CCDC171: variants seen among roughly 807,000 people sequenced by gnomAD.
CCDC171 encodes the protein coiled-coil domain-containing protein 171.
A neutral mutation model predicts 168.2 loss-of-function variants in CCDC171; 177 were observed. That is an observed-to-expected ratio of 1.05 (90% CI 0.93 to 1.19). CCDC171 has a LOEUF of 1.19. Ranked by LOEUF, CCDC171 falls within the 50% of genes most tolerant of loss-of-function variation. The pLI is 0.00. For synonymous variants in CCDC171, 687 were observed against 540.8 expected, an observed-to-expected ratio of 1.27 and a Z score of -3.75; for missense variants, 1,991 against 1,539.0, an observed-to-expected ratio of 1.29 and a Z score of -4.91.
At chr9:15,679,014 A>G (rs2049848274) in intron 10 of CCDC171, 118 bp downstream of exon 10, 1 of 705,206 alleles carries the variant, frequency 1.4e-6, no homozygotes. Context: ...TTTTAGTGAC[A>G]TTGATAACAA....
chr9:15,940,783 C>G lies in CCDC171; in HGVS notation c.3753+20361C>G, dbSNP rs542034493. ...GACCTTGCCTCTAGTCCCAGCTACT[C>G]AGGAAGATCAGGAGAATTACTTGAG... is the stretch of plus-strand genomic sequence containing the variant. On this transcript the variant is annotated intron_variant, in intron 25 of 25. Transcript: ENST00000380701. 3.9e-5 allele frequency among the ~76,000 whole-genome samples: 6 copies of G among 151,970 alleles called. No homozygotes were observed. In the East Asian group the frequency reaches 1.2e-3, roughly 30 times the overall value.
At chr9:15,562,198 C>G (rs1232153408) in intron 1 of CCDC171, among the ~76,000 whole-genome samples, 1 of 151,966 alleles carries the variant, frequency 6.6e-6, no homozygotes, top group Admixed American at 6.6e-5. Context: ...GTTTCACCAT[C>G]TTAGCCAGAC....
At chr9:16,051,495 G>A (rs1030288053) in intron 1 of CCDC171, among the ~76,000 whole-genome samples, 2 of 152,136 alleles carry the variant, frequency 1.3e-5, no homozygotes, top group Non-Finnish European at 2.9e-5. Context: ...GGTTCTACTT[G>A]CCAGCCCCTC....
Position 15,874,632 on chromosome 9 carries a change from T to C in CCDC171, c.3569T>C (p.Leu1190Pro). The change falls in exon 24 of 26, where the codon CTC (leucine) becomes CCC (proline). Residue 1190 changes from leucine (L) to proline (P), a missense_variant. Transcript: ENST00000380701. ...LHLETFAMEG[L>P]KGGPEVVACQ... is the part of the protein sequence containing the mutation. ...CTGGAGACCTTTGCAATGGAGGGGC[T>C]CAAGGGCGGGCCAGAGGTGGTAGCA... 1 of 1,601,968 alleles carries C rather than the reference T, an allele frequency of 6.2e-7. No individual in the cohort carries two copies. The highest frequency in any genetic ancestry group is 8.5e-7 in the Non-Finnish European group (1 of 1,174,070).
chr9:15,759,576 TCA>T (rs1319769123), intron 18 of CCDC171, among the ~76,000 whole-genome samples: 3 of 152,206 alleles, frequency 2.0e-5, no homozygotes, highest in Non-Finnish European at 2.9e-5. Context: ...GAAGAGTTCC[TCA>T]GTCTTTTCTT....
chr9:16,025,778 G>C (rs536137841), intron 6 of CCDC171, among the ~76,000 whole-genome samples: 11 of 152,288 alleles, frequency 7.2e-5, no homozygotes, highest in African/African-American at 9.6e-5. Flanking sequence ...AGTGGTTGCT[G>C]AGATCTTAGG....
At chr9:16,009,847 AAAAT>A (rs1470530803) in intron 3 of CCDC171, among the ~76,000 whole-genome samples, 1 of 152,226 alleles carries the variant, frequency 6.6e-6, no homozygotes, top group Non-Finnish European at 1.5e-5. Context: ...TTTGAGGAAA[AAAAT>A]AAATCTTGAA....
chr9:15,717,874 TCTG>T (rs1292488100), intron 11 of CCDC171, among the ~76,000 whole-genome samples: 1 of 152,178 alleles, frequency 6.6e-6, no homozygotes, highest in Admixed American at 6.5e-5. Flanking sequence ...GAATCTGAGA[TCTG>T]CTGGTTTGAA....
At chr9:15,888,621 G>A (rs1819757888) in intron 24 of CCDC171, among the ~76,000 whole-genome samples, 1 of 152,126 alleles carries the variant, frequency 6.6e-6, no homozygotes, top group Admixed American at 6.6e-5. Flanking sequence ...AAACAATTTA[G>A]TAGAATTGTT....
At chr9:15,656,092 G>A (rs2132921333) in intron 7 of CCDC171, among the ~76,000 whole-genome samples, 1 of 152,260 alleles carries the variant, frequency 6.6e-6, no homozygotes, top group East Asian at 1.9e-4. Flanking sequence ...GGCCGAGGCG[G>A]GCAGATCACG....
At chr9:15,837,891 A>G in intron 21 of CCDC171, among the ~76,000 whole-genome samples, 1 of 152,214 alleles carries the variant, frequency 6.6e-6, no homozygotes, top group African/African-American at 2.4e-5. Context: ...GCCAGTGGTA[A>G]CTTTGTTCTA....
chr9:15,681,661 G>T (rs373449854), intron 10 of CCDC171, among the ~76,000 whole-genome samples: 2 of 151,408 alleles, frequency 1.3e-5, no homozygotes, highest in Non-Finnish European at 2.9e-5. Context: ...GACTTTTCTC[G>T]GTAGATTAGT....
At chr9:15,802,279 C>T (rs2058862163) in intron 21 of CCDC171, among the ~76,000 whole-genome samples, 1 of 151,882 alleles carries the variant, frequency 6.6e-6, no homozygotes, top group South Asian at 2.1e-4. Flanking sequence ...TTTAGGGGTA[C>T]ATGTGCAGGA....
intron 18 of CCDC171, among the ~76,000 whole-genome samples, chr9:15,774,191 A>G (rs1461073476): frequency 7.0e-6 from 1 of 142,646 alleles, no homozygotes; most frequent in Non-Finnish European, 1.5e-5. Flanking sequence ...GGTTGCAGTG[A>G]CCCGAGATCT....
chr9:15,623,475 G>GCGCGCGCACGCGCACACACA, intron 7 of CCDC171, 62 bp downstream of exon 7: 66 of 315,436 alleles, frequency 2.1e-4, no homozygotes, highest in Middle Eastern at 8.5e-4. Context: ...GCGCGCGCGC[G>GCGCGCGCACGCGCACACACA]CACACACACA....
chr9:15,716,003 C>T (rs566214496), intron 11 of CCDC171, among the ~76,000 whole-genome samples: 25 of 152,238 alleles, frequency 1.6e-4, no homozygotes, highest in East Asian at 5.8e-4. Flanking sequence ...AGGGAGAGAT[C>T]GAAACAGGGT....
chr9:16,044,980 G>A (rs184373560), intron 1 of CCDC171, among the ~76,000 whole-genome samples: 95 of 152,278 alleles, frequency 6.2e-4, no homozygotes, highest in African/African-American at 1.9e-3. Context: ...TCTTTTTAGC[G>A]TTACCTATAG....
At chr9:15,656,266 G>T (rs891204429) in intron 7 of CCDC171, among the ~76,000 whole-genome samples, 2 of 151,528 alleles carry the variant, frequency 1.3e-5, no homozygotes, top group African/African-American at 4.9e-5. Context: ...AGCTTGCAGT[G>T]AGCCTAGATG....
intron 18 of CCDC171, among the ~76,000 whole-genome samples, chr9:15,773,163 C>T (rs1360575264): frequency 2.0e-5 from 3 of 152,118 alleles, no homozygotes; most frequent in African/African-American, 7.2e-5. Context: ...GTAGATTGCT[C>T]TCTCTTCCAC....
Sources: gnomAD v4.1 joint callset for allele counts (sites outside exome capture counted in the v4.1 genomes callset) on GRCh38, gnomAD v4.1.1 for gene constraint, MANE v1.5 for transcripts, NCBI Gene and HGNC (gene_info 2026-07-23, HGNC 2026-07-21) for gene names.